The following PCDHGA5 variants were observed in gnomAD, a reference collection of about 807,000 sequenced individuals.
PCDHGA5 encodes protocadherin gamma-A5.
Under a neutral mutation model 56.7 loss-of-function variants are expected in PCDHGA5, and 36 were observed. The observed-to-expected ratio is 0.64, with a 90% confidence interval of 0.49 to 0.84. PCDHGA5 has a LOEUF of 0.84. Ranked by LOEUF, PCDHGA5 falls within the 40% of genes least tolerant of loss-of-function variation. The pLI, the probability that PCDHGA5 is intolerant of heterozygous loss-of-function variation, is 0.00. For synonymous variants in PCDHGA5, 563 were observed against 520.2 expected, an observed-to-expected ratio of 1.08 and a Z score of -1.12; for missense variants, 1,305 against 1,201.5, an observed-to-expected ratio of 1.09 and a Z score of -1.27.
At chr5:141,451,315 T>A (rs2154563546) in intron 1 of PCDHGA5, among the ~76,000 whole-genome samples, 1 of 152,330 alleles carries the variant, frequency 6.6e-6, no homozygotes, top group South Asian at 2.1e-4. Context: ...GCAATTAAAG[T>A]GTCACCTAAG....
At chr5:141,393,961 T>C (rs775398827) in intron 1 of PCDHGA5, 1 of 1,613,960 alleles carries the variant, frequency 6.2e-7, no homozygotes, top group South Asian at 1.1e-5. Flanking sequence ...GGTCAAGTTG[T>C]CTGTTACACA....
intron 1 of PCDHGA5, chr5:141,419,370 A>G (rs1460064670): frequency 1.9e-6 from 3 of 1,613,574 alleles, no homozygotes; most frequent in African/African-American, 2.7e-5. Context: ...CTGTCGTCCT[A>G]CGTGTCCGTG....
intron 3 of PCDHGA5, among the ~76,000 whole-genome samples, chr5:141,505,976 A>G (rs911235674): frequency 1.3e-5 from 2 of 152,136 alleles, no homozygotes; most frequent in Admixed American, 1.3e-4. Context: ...CCCAGCCGAG[A>G]GAACACCTCC....
At chr5:141,393,523 A>G in intron 1 of PCDHGA5, 1 of 1,614,018 alleles carries the variant, frequency 6.2e-7, no homozygotes, top group East Asian at 2.2e-5. Flanking sequence ...GATACAAATG[A>G]CAATGCCCCG....
intron 1 of PCDHGA5, chr5:141,478,158 C>G: frequency 6.2e-7 from 1 of 1,614,054 alleles, no homozygotes; most frequent in Non-Finnish European, 8.5e-7. Flanking sequence ...CCCTCTGGCT[C>G]TGCCCCCCGG....
chr5:141,415,461 T>G, intron 1 of PCDHGA5: 1 of 1,614,180 alleles, frequency 6.2e-7, no homozygotes, highest in African/African-American at 1.3e-5. Flanking sequence ...ACGAGGTCTC[T>G]CTCACCGCGG....
intron 1 of PCDHGA5, chr5:141,423,735 G>A (rs2096770441): frequency 1.3e-6 from 1 of 777,372 alleles, no homozygotes; most frequent in African/African-American, 2.5e-5. Context: ...TTTTGAGCCT[G>A]TTATGAAAAC....
chr5:141,484,219 C>T (rs766309865), intron 1 of PCDHGA5, among the ~76,000 whole-genome samples: 1 of 152,162 alleles, frequency 6.6e-6, no homozygotes, highest in Non-Finnish European at 1.5e-5. Context: ...TAGCATTCTG[C>T]CAGGTAAAGA....
In PCDHGA5 at chr5:141,375,892, G is replaced by C. The variant is rs753797132; in HGVS notation, c.2421+9141G>C. On this transcript the variant is annotated intron_variant, in intron 1 of 3. Transcript: ENST00000518069. ...ACAGAGACTCGGGCCAGAACGCCTG[G>C]CTGTCCTACCGCCTGCTCAAGGCCA... is the stretch of plus-strand genomic sequence containing the variant. 5 of 1,613,676 alleles carry C rather than the reference G, an allele frequency of 3.1e-6. No individual in the cohort carries two copies. In the Admixed American group the frequency reaches 8.3e-5, roughly 27 times the overall value.
chr5:141,416,722 A>G (rs891558095), intron 1 of PCDHGA5: 3 of 152,258 alleles, frequency 2.0e-5, no homozygotes, highest in Admixed American at 6.5e-5. Context: ...TGATGAGTTC[A>G]TTTAGTTCAA....
At chr5:141,450,869 G>A (rs1435272731) in intron 1 of PCDHGA5, among the ~76,000 whole-genome samples, 1 of 147,142 alleles carries the variant, frequency 6.8e-6, no homozygotes, top group Admixed American at 6.9e-5. Context: ...CTGTCACCCA[G>A]GCTGGTGTGC....
At chr5:141,483,955 G>A (rs1244162791) in intron 1 of PCDHGA5, among the ~76,000 whole-genome samples, 1 of 144,218 alleles carries the variant, frequency 6.9e-6, no homozygotes, top group African/African-American at 2.6e-5. Flanking sequence ...ATTGTGTTGT[G>A]TTTCTGTGCT....
intron 1 of PCDHGA5, chr5:141,391,548 C>T (rs1045663791): frequency 6.6e-6 from 1 of 152,106 alleles, no homozygotes; most frequent in African/African-American, 2.4e-5. Flanking sequence ...ATTGTCTACC[C>T]AGTTTTCCAT....
At chr5:141,405,035 G>C in intron 1 of PCDHGA5, 1 of 1,613,964 alleles carries the variant, frequency 6.2e-7, no homozygotes, top group South Asian at 1.1e-5. Context: ...CTACCTCGTT[G>C]TGGCTGTGGC....
intron 2 of PCDHGA5, among the ~76,000 whole-genome samples, chr5:141,495,223 G>T (rs924599140): frequency 6.6e-6 from 1 of 152,208 alleles, no homozygotes; most frequent in South Asian, 2.1e-4. Flanking sequence ...CCTGAGTTGA[G>T]CTGGGCTCCA....
intron 1 of PCDHGA5, among the ~76,000 whole-genome samples, chr5:141,482,793 C>T (rs900216099): frequency 3.9e-5 from 5 of 128,974 alleles, no homozygotes; most frequent in Non-Finnish European, 8.1e-5. Flanking sequence ...TGTGTGTGGC[C>T]GGGTACGGTG....
intron 1 of PCDHGA5, chr5:141,421,154 G>A: frequency 8.7e-7 from 1 of 1,151,318 alleles, no homozygotes; most frequent in South Asian, 1.6e-5. Flanking sequence ...GTCGGCCTAG[G>A]ACTTCATAGA....
chr5:141,372,630 A>G, intron 1 of PCDHGA5: 1 of 1,614,014 alleles, frequency 6.2e-7, no homozygotes, highest in Non-Finnish European at 8.5e-7. Flanking sequence ...CTACAGCGAA[A>G]GGACTTTGCC....
intron 1 of PCDHGA5, chr5:141,384,852 G>C: frequency 6.2e-7 from 1 of 1,613,646 alleles, no homozygotes; most frequent in Non-Finnish European, 8.5e-7. Context: ...ACCACGGTCA[G>C]CCTCCTCTGT....
Sources: gnomAD v4.1 joint callset for allele counts (sites outside exome capture counted in the v4.1 genomes callset) on GRCh38, gnomAD v4.1.1 for gene constraint, MANE v1.5 for transcripts, NCBI Gene and HGNC (gene_info 2026-07-23, HGNC 2026-07-21) for gene names.